The following SAMMSON variants were observed in gnomAD, a reference collection of about 807,000 sequenced individuals.
The protein encoded by SAMMSON is survival associated mitochondrial melanoma specific oncogenic non-coding RNA.
intron 7 of SAMMSON, among the ~76,000 whole-genome samples, chr3:70,310,615 C>T (rs991364737): frequency 1.3e-5 from 2 of 152,074 alleles, no homozygotes; most frequent in Admixed American, 1.3e-4. Context: ...ATCCACCCGC[C>T]TCGGCCTCCC....
chr3:70,181,129 A>C (rs141687811), intron 4 of SAMMSON, among the ~76,000 whole-genome samples: 1 of 152,112 alleles, frequency 6.6e-6, no homozygotes, highest in Non-Finnish European at 1.5e-5. Flanking sequence ...TTTGCATTCT[A>C]AAGAGACTTC....
At chr3:70,423,240 C>T (rs917506503) in intron 2 of SAMMSON, among the ~76,000 whole-genome samples, 1 of 152,060 alleles carries the variant, frequency 6.6e-6, no homozygotes, top group Non-Finnish European at 1.5e-5. Context: ...CTGGGGATTA[C>T]AAGTATATTT....
At chr3:70,248,439 G>A (rs1701729404) in intron 4 of SAMMSON, among the ~76,000 whole-genome samples, 1 of 152,086 alleles carries the variant, frequency 6.6e-6, no homozygotes, top group South Asian at 2.1e-4. Flanking sequence ...GTTTGAACTG[G>A]AGTGTAGGGT....
chr3:70,014,616 A>G (rs1313976950), intron 3 of SAMMSON: 3 of 152,314 alleles, frequency 2.0e-5, no homozygotes, highest in South Asian at 2.1e-4. Flanking sequence ...GCCTGTGCCT[A>G]TCTACTCCAT....
At chr3:70,348,368 A>G (rs1237552085) in intron 7 of SAMMSON, among the ~76,000 whole-genome samples, 2 of 152,170 alleles carry the variant, frequency 1.3e-5, no homozygotes, top group Non-Finnish European at 2.9e-5. Context: ...AAGTTTTCAC[A>G]GTTGCAGAGG....
At chr3:70,406,120 A>G (rs1701176465) in intron 2 of SAMMSON, among the ~76,000 whole-genome samples, 3 of 152,200 alleles carry the variant, frequency 2.0e-5, no homozygotes, top group Admixed American at 2.0e-4. Context: ...GCCATTCCCC[A>G]GTGTACACAT....
intron 1 of SAMMSON, among the ~76,000 whole-genome samples, chr3:70,012,104 G>A (rs1230764938): frequency 2.0e-5 from 3 of 152,068 alleles, no homozygotes; most frequent in Non-Finnish European, 4.4e-5. Context: ...ATCCAGAGCT[G>A]GAGGAAAGAG....
At chr3:70,409,465 TAA>T (rs78087148) in intron 2 of SAMMSON, among the ~76,000 whole-genome samples, 26 of 142,122 alleles carry the variant, frequency 1.8e-4, no homozygotes, top group African/African-American at 5.6e-4. Flanking sequence ...AGGCTTTGCT[TAA>T]AAAAAAAAAA....
intron 7 of SAMMSON, among the ~76,000 whole-genome samples, chr3:70,324,195 CT>C (rs55962692): frequency 0.26 from 26,250 of 101,172 alleles, 2,380 homozygotes; most frequent in Admixed American, 0.31. Context: ...ATCTATCTAT[CT>C]ATCATCTATC....
intron 7 of SAMMSON, chr3:70,292,077 T>G (rs1702244581): frequency 6.6e-6 from 1 of 152,172 alleles, no homozygotes; most frequent in Non-Finnish European, 1.5e-5. Flanking sequence ...AACTATTCCT[T>G]TATGAATACT....
intron 7 of SAMMSON, among the ~76,000 whole-genome samples, chr3:70,297,440 C>G (rs1249806407): frequency 1.3e-5 from 2 of 151,874 alleles, no homozygotes; most frequent in Non-Finnish European, 2.9e-5. Flanking sequence ...TCTGCTTAAC[C>G]CTCACGTTGT....
intron 4 of SAMMSON, among the ~76,000 whole-genome samples, chr3:70,118,786 C>T (rs1489244902): frequency 6.6e-6 from 1 of 152,124 alleles, no homozygotes; most frequent in Non-Finnish European, 1.5e-5. Context: ...CCCTATTTTA[C>T]AGGTGAAGAA....
intron 3 of SAMMSON, among the ~76,000 whole-genome samples, chr3:70,040,363 T>C (rs934229890): frequency 6.6e-6 from 1 of 152,156 alleles, no homozygotes; most frequent in African/African-American, 2.4e-5. Flanking sequence ...ATGTGGCAAC[T>C]ACGGTGCAGA....
Position 70,026,545 on chromosome 3 carries a change from A to C in SAMMSON, n.417+12873A>C, listed in dbSNP as rs569411920. Among the ~76,000 whole-genome samples the C allele has an allele frequency of 4.6e-5, 7 of 152,284 alleles. 1 individual carries two copies. The South Asian group carries it at 1.5e-3, about 32-fold the overall frequency. On this transcript the variant is annotated intron_variant and non_coding_transcript_variant, in intron 3 of 9. Transcript: ENST00000642114. ...ATATTGAAGACATATCAAGTCCCTG[A>C]TCACCACAGACAAGTGGTCTAGACT...
At chr3:70,126,559 G>A in intron 4 of SAMMSON, 1 of 538,002 alleles carries the variant, frequency 1.9e-6, no homozygotes, top group Non-Finnish European at 3.4e-6. Flanking sequence ...GGAAAGTGGG[G>A]AGGAGCTTGT....
Position 70,238,113 on chromosome 3 carries a change from G to A in SAMMSON, n.508-10994G>A, listed in dbSNP as rs147808551. Among the ~76,000 whole-genome samples, 966 of 147,796 alleles carry A rather than the reference G, an allele frequency of 6.5e-3. 6 individuals carry two copies. The highest frequency in any genetic ancestry group is 0.023 in the African/African-American group (920 of 40,334). On this transcript the variant is annotated intron_variant and non_coding_transcript_variant, in intron 4 of 9. Transcript: ENST00000642114. Reference sequence around the variant, plus strand: ...CTTGCCCTGTCCTGCTCCTCACACAGACATATGATAGCCAGAGTCCTCTAT... The same window carrying A: ...CTTGCCCTGTCCTGCTCCTCACACAAACATATGATAGCCAGAGTCCTCTAT...
At chr3:70,358,390 T>G (rs1285348105) in intron 9 of SAMMSON, 1 of 152,180 alleles carries the variant, frequency 6.6e-6, no homozygotes, top group African/African-American at 2.4e-5. Context: ...TATGATTTAG[T>G]GCTTTTTCCT....
intron 9 of SAMMSON, among the ~76,000 whole-genome samples, chr3:70,365,837 T>C (rs1011427710): frequency 1.3e-5 from 2 of 151,754 alleles, no homozygotes; most frequent in Admixed American, 6.6e-5. Flanking sequence ...CTTGACCTCC[T>C]ATTTTTTAAA....
intron 7 of SAMMSON, among the ~76,000 whole-genome samples, chr3:70,352,247 A>G (rs1702799726): frequency 6.6e-6 from 1 of 152,132 alleles, no homozygotes; most frequent in African/African-American, 2.4e-5. Context: ...GAAAGAAAAA[A>G]ATCTTGAAAG....
Sources: allele counts gnomAD v4.1 joint callset (sites outside exome capture counted in the v4.1 genomes callset), GRCh38; gene constraint gnomAD v4.1.1; transcripts MANE v1.5; gene names NCBI Gene and HGNC (gene_info 2026-07-23, HGNC 2026-07-21).